The following FCHO2 variants were observed in gnomAD, a reference collection of about 807,000 sequenced individuals.
The protein encoded by FCHO2 is FCH and mu domain containing endocytic adaptor 2.
In FCHO2, 43 loss-of-function variants were observed where a neutral mutation model predicts 114.1. The ratio of observed to expected loss-of-function variants is 0.38; its 90% CI spans 0.30 to 0.49. FCHO2 has a LOEUF of 0.49. FCHO2 is among the 20% of genes least tolerant of loss of function. The probability of loss-of-function intolerance (pLI) is 0.97; values close to 1 mark genes in which losing one functional copy is unlikely to be tolerated. For missense variants in FCHO2, 807 were observed against 950.4 expected (o/e 0.85, Z 1.98); for synonymous variants, 293 against 315.2 (o/e 0.93, Z 0.75).
chr5:73,016,823 G>A (rs1010367197), intron 7 of FCHO2, among the ~76,000 whole-genome samples: 1 of 152,170 alleles, frequency 6.6e-6, no homozygotes, highest in Non-Finnish European at 1.5e-5. Flanking sequence ...CTTGAGTCCA[G>A]GAGGTTGAGG....
rs571465068 is a variant in FCHO2 at position 73,042,142 on chromosome 5, G to A, written c.939+827G>A. Among the ~76,000 whole-genome samples the A allele has an allele frequency of 2.0e-5, 3 of 151,950 alleles. No individual in the cohort carries two copies. The East Asian group carries it at 5.8e-4, about 29-fold the overall frequency. On this transcript the variant is annotated intron_variant, in intron 11 of 25. Coordinates refer to ENST00000430046, the MANE Select transcript of FCHO2 (RefSeq NM_138782.3). ...AAATTAGTATTTTGTTTTATATTTT[G>A]GCCTTAAAATACAATTATGATTTGT...
Position 73,056,103 on chromosome 5 carries a change from A to G in FCHO2, c.1249A>G (p.Asn417Asp), listed in dbSNP as rs763796463. 12 of 1,528,280 alleles carry G rather than the reference A, an allele frequency of 7.9e-6. No individual in the cohort carries two copies. Among genetic ancestry groups the G allele is most frequent in the Middle Eastern group, 3.6e-4 (2 of 5,524 alleles). 94.7% of individuals were successfully genotyped at this position (1,528,280 alleles called of 1,614,324 possible). A position where few individuals can be genotyped will look rare whatever the true frequency, so the allele number is the denominator to read the frequency against. Residue 417 changes from asparagine to aspartate, a missense_variant, in exon 16 of 26, where the codon AAT becomes GAT. Physicochemically the swap from Asn to Asp is conservative, Grantham distance 23. Coordinates refer to ENST00000430046, the MANE Select transcript of FCHO2 (RefSeq NM_138782.3). ...LTKSKPSAPP[N>D]EKGTSDLLAW... is the part of the protein sequence containing the mutation. ...AAAATCAAAGCCATCTGCTCCACCC[A>G]ATGAGTAAGTTTCCATGTTTAATTT... is the stretch of plus-strand genomic sequence containing the variant.
intron 2 of FCHO2, among the ~76,000 whole-genome samples, chr5:72,980,557 C>G (rs1256407913): frequency 6.6e-6 from 1 of 152,136 alleles, no homozygotes; most frequent in African/African-American, 2.4e-5. Flanking sequence ...GTTAAAGTCT[C>G]CCACTATTAT....
intron 8 of FCHO2, among the ~76,000 whole-genome samples, chr5:73,030,445 C>A (rs577510221): frequency 1.1e-4 from 16 of 152,350 alleles, no homozygotes; most frequent in African/African-American, 3.8e-4. Flanking sequence ...CATCACACTA[C>A]ATGAATGCTT....
intron 8 of FCHO2, among the ~76,000 whole-genome samples, chr5:73,021,879 A>G (rs1002228583): frequency 1.3e-5 from 2 of 152,240 alleles, no homozygotes; most frequent in African/African-American, 4.8e-5. Flanking sequence ...GTTAATGTTT[A>G]GTGAGCTCTT....
intron 5 of FCHO2, chr5:72,997,428 CTT>C (rs1221948407): frequency 1.9e-6 from 3 of 1,599,628 alleles, no homozygotes; most frequent in African/African-American, 2.7e-5. Context: ...AAGGACCTCT[CTT>C]TGGTCCACAG....
intron 5 of FCHO2, among the ~76,000 whole-genome samples, chr5:72,995,303 T>A (rs1239986696): frequency 6.6e-6 from 1 of 151,626 alleles, no homozygotes; most frequent in Admixed American, 6.6e-5. Flanking sequence ...TTACCCAGGC[T>A]AGGGTGCAGT....
At chr5:72,969,407 C>A (rs945288118) in intron 2 of FCHO2, among the ~76,000 whole-genome samples, 1 of 152,120 alleles carries the variant, frequency 6.6e-6, no homozygotes, top group Non-Finnish European at 1.5e-5. Context: ...TCTATAAGTT[C>A]GGTTCTTTTC....
chr5:73,065,064 A>T (rs752255032), intron 18 of FCHO2, among the ~76,000 whole-genome samples: 2 of 152,002 alleles, frequency 1.3e-5, no homozygotes, highest in Non-Finnish European at 2.9e-5. Context: ...CACAGTTATG[A>T]AATCTTCAGT....
intron 11 of FCHO2, chr5:73,051,060 A>G (rs1757315816): frequency 3.3e-6 from 1 of 301,514 alleles, no homozygotes; most frequent in South Asian, 4.7e-5. Context: ...ATTTTGAGCA[A>G]TCTGAATTGG....
chr5:73,072,141 A>G (rs1193541626), intron 19 of FCHO2, among the ~76,000 whole-genome samples: 1 of 151,584 alleles, frequency 6.6e-6, no homozygotes. Context: ...CAGTCCTCCC[A>G]CCTCAGCCTC....
chr5:72,977,379 A>G (rs2112630888), intron 2 of FCHO2, among the ~76,000 whole-genome samples: 1 of 152,322 alleles, frequency 6.6e-6, no homozygotes, highest in East Asian at 1.9e-4. Context: ...ATGACCAGTG[A>G]TGATGAGCAT....
At chr5:73,019,667 T>C (rs1195509344) in intron 8 of FCHO2, among the ~76,000 whole-genome samples, 1 of 152,202 alleles carries the variant, frequency 6.6e-6, no homozygotes, top group Non-Finnish European at 1.5e-5. Context: ...AACATTCCAG[T>C]GCACGTAACA....
intron 24 of FCHO2, among the ~76,000 whole-genome samples, chr5:73,085,565 A>C (rs62362235): frequency 0.12 from 17,841 of 149,832 alleles, 1,259 homozygotes; most frequent in Middle Eastern, 0.18. Context: ...ACTTGAGGCC[A>C]GGAGTTGGAG....
At chr5:73,019,580 C>T (rs930849889) in intron 8 of FCHO2, among the ~76,000 whole-genome samples, 17 of 152,002 alleles carry the variant, frequency 1.1e-4, no homozygotes, top group Admixed American at 9.8e-4. Flanking sequence ...CTTCAAGATA[C>T]GGAGGAAACA....
chr5:72,996,220 G>T (rs1188376073), intron 5 of FCHO2, among the ~76,000 whole-genome samples: 4 of 124,600 alleles, frequency 3.2e-5, no homozygotes, highest in Non-Finnish European at 6.7e-5. Context: ...TCCAGCCTGG[G>T]CAACAAGAAC....
At chr5:72,980,680 G>A (rs1303708459) in intron 2 of FCHO2, among the ~76,000 whole-genome samples, 1 of 152,104 alleles carries the variant, frequency 6.6e-6, no homozygotes, top group Non-Finnish European at 1.5e-5. Flanking sequence ...TTGATGCATT[G>A]ATACCTTTAC....
At chr5:73,025,176 C>A (rs183692524) in intron 8 of FCHO2, among the ~76,000 whole-genome samples, 1 of 151,904 alleles carries the variant, frequency 6.6e-6, no homozygotes, top group South Asian at 2.1e-4. Flanking sequence ...CTATGGGTGA[C>A]TAATTGCAGC....
intron 11 of FCHO2, among the ~76,000 whole-genome samples, chr5:73,047,596 C>T (rs1360664309): frequency 6.7e-6 from 1 of 149,740 alleles, no homozygotes; most frequent in African/African-American, 2.5e-5. Flanking sequence ...ATAGTATAAT[C>T]GTTCCTCAGT....
Sources: gnomAD v4.1 joint callset for allele counts (sites outside exome capture counted in the v4.1 genomes callset) on GRCh38, gnomAD v4.1.1 for gene constraint, MANE v1.5 for transcripts, NCBI Gene and HGNC (gene_info 2026-07-23, HGNC 2026-07-21) for gene names.